ENOX1: variants seen among roughly 807,000 people sequenced by gnomAD.
The protein encoded by ENOX1 is candidate growth-related and time keeping constitutive hydroquinone (NADH) oxidase.
ENOX1 carries 42 observed loss-of-function variants against 82.5 expected under a neutral mutation model. The observed-to-expected ratio is 0.51, with a 90% CI of 0.40 to 0.66. The LOEUF (loss-of-function observed/expected upper bound fraction) is 0.66. ENOX1 is among the 30% of genes least tolerant of loss of function. ENOX1 has a pLI of 0.00. For missense variants in ENOX1, 608 were observed against 811.6 expected (o/e 0.75, Z 3.05); for synonymous variants, 271 against 282.2 (o/e 0.96, Z 0.40).
At chr13:43,281,233 CT>C (rs373930500) in intron 12 of ENOX1, among the ~76,000 whole-genome samples, 284 of 151,726 alleles carry the variant, frequency 1.9e-3, no homozygotes, top group African/African-American at 6.6e-3. Context: ...AGCAGAAAAC[CT>C]CAACAAATAC....
chr13:43,442,208 A>T (rs563793028), intron 3 of ENOX1, among the ~76,000 whole-genome samples: 90 of 152,224 alleles, frequency 5.9e-4, no homozygotes, highest in Non-Finnish European at 8.1e-4. Context: ...AAATGAGAAC[A>T]CATTTTAAAA....
intron 12 of ENOX1, among the ~76,000 whole-genome samples, chr13:43,279,645 A>G (rs931116507): frequency 6.6e-6 from 1 of 152,240 alleles, no homozygotes; most frequent in African/African-American, 2.4e-5. Context: ...TTGTATGACT[A>G]AAGAACATGT....
chr13:43,616,117 GATCTATAGATATCTATCTATCTAGATATC>G (rs2082416026), intron 2 of ENOX1, among the ~76,000 whole-genome samples: 1 of 14,974 alleles, frequency 6.7e-5, no homozygotes, highest in Non-Finnish European at 1.5e-4. Context: ...GATATCTATA[GATCTATAGATATCTATCTATCTAGATATC>G]TATATAGATA....
intron 2 of ENOX1, among the ~76,000 whole-genome samples, chr13:43,659,456 C>CTCCA (rs1161166433): frequency 1.3e-5 from 2 of 151,878 alleles, no homozygotes; most frequent in Non-Finnish European, 2.9e-5. Context: ...CGCCACTGTA[C>CTCCA]TCCAGCCTGG....
intron 2 of ENOX1, among the ~76,000 whole-genome samples, chr13:43,614,461 C>T (rs1181295345): frequency 1.3e-5 from 2 of 151,996 alleles, no homozygotes; most frequent in African/African-American, 2.4e-5. Context: ...ACACTTACCT[C>T]CTCACCTGGC....
chr13:43,527,712 T>C (rs1392725046), intron 2 of ENOX1, among the ~76,000 whole-genome samples: 1 of 152,140 alleles, frequency 6.6e-6, no homozygotes, highest in Non-Finnish European at 1.5e-5. Flanking sequence ...GAAAAGAATT[T>C]GACTGATGGA....
chr13:43,664,125 A>T (rs143219048), intron 2 of ENOX1, among the ~76,000 whole-genome samples: 1 of 152,184 alleles, frequency 6.6e-6, no homozygotes, highest in Non-Finnish European at 1.5e-5. Context: ...TTACATTCTA[A>T]TGTCAGAGAT....
intron 3 of ENOX1, among the ~76,000 whole-genome samples, chr13:43,483,038 T>A (rs2058566825): frequency 2.0e-5 from 3 of 152,166 alleles, no homozygotes; most frequent in African/African-American, 4.8e-5. Context: ...TGATTCTTAG[T>A]AGAAATAAAA....
At chr13:43,345,701 C>T (rs1240213406) in intron 8 of ENOX1, among the ~76,000 whole-genome samples, 1 of 152,144 alleles carries the variant, frequency 6.6e-6, no homozygotes, top group East Asian at 1.9e-4. Flanking sequence ...AGGCTCATTG[C>T]CTACTTTCCA....
Position 43,763,185 on chromosome 13 carries a change from A to G in ENOX1, c.-285+23467T>C, listed in dbSNP as rs151259877. 2.0e-3 allele frequency among the ~76,000 whole-genome samples: 306 copies of G among 152,318 alleles called. 1 individual carries two copies. Among genetic ancestry groups the G allele is most frequent in the East Asian group, 0.014 (73 of 5,188 alleles). On this transcript the variant is annotated intron_variant, in intron 1 of 16. Transcript: ENST00000690772. ...CCTTGTCTATGTCTGGGCTGCAATA[A>G]CAGGATATCATAGATTAGGTGGCTT...
At chr13:43,385,560 ATAG>A (rs1026064959) in intron 5 of ENOX1, among the ~76,000 whole-genome samples, 2 of 152,226 alleles carry the variant, frequency 1.3e-5, no homozygotes, top group African/African-American at 4.8e-5. Context: ...AGAAACAATA[ATAG>A]TAGTTTTGGT....
At chr13:43,567,915 G>C (rs2079989906) in intron 2 of ENOX1, among the ~76,000 whole-genome samples, 1 of 152,178 alleles carries the variant, frequency 6.6e-6, no homozygotes, top group African/African-American at 2.4e-5. Flanking sequence ...AGGATATTTA[G>C]ATTTGTGAAT....
At chr13:43,500,374 A>C (rs1401680345) in intron 2 of ENOX1, among the ~76,000 whole-genome samples, 1 of 152,132 alleles carries the variant, frequency 6.6e-6, no homozygotes, top group Admixed American at 6.6e-5. Context: ...CCATACAACT[A>C]TTAGCAGATT....
chr13:43,670,797 C>T (rs1163919622), intron 1 of ENOX1, among the ~76,000 whole-genome samples: 1 of 152,024 alleles, frequency 6.6e-6, no homozygotes, highest in Admixed American at 6.6e-5. Context: ...GAGCCAAGAT[C>T]GCGACACTGC....
chr13:43,513,982 G>A (rs866535245), intron 2 of ENOX1, among the ~76,000 whole-genome samples: 1 of 152,056 alleles, frequency 6.6e-6, no homozygotes, highest in African/African-American at 2.4e-5. Flanking sequence ...GTTTGTTTAT[G>A]TTCAGGTACA....
In ENOX1 at chr13:43,272,871, T is replaced by C. The variant is rs571714469; in HGVS notation, c.1447-3294A>G. The stretch of plus-strand genomic sequence containing the variant: ...TTAATCTTGCTTATTTAATCTTCAG[T>C]CTACTATAATGTGACTTTAATCCCT... On this transcript the variant is annotated intron_variant, in intron 12 of 16. Coordinates refer to ENST00000690772, the MANE Select transcript of ENOX1 (RefSeq NM_001347969.2). 8.5e-5 allele frequency among the ~76,000 whole-genome samples: 13 copies of C among 152,276 alleles called. No homozygotes were observed. The East Asian group carries it at 2.3e-3, about 27-fold the overall frequency.
At chr13:43,590,303 A>G (rs2081186673) in intron 2 of ENOX1, among the ~76,000 whole-genome samples, 1 of 142,746 alleles carries the variant, frequency 7.0e-6, no homozygotes, top group Admixed American at 6.8e-5. Flanking sequence ...AGATTGCAGC[A>G]TAGAGTGACA....
chr13:43,375,843 G>T (rs1421441288), intron 5 of ENOX1, among the ~76,000 whole-genome samples: 1 of 152,194 alleles, frequency 6.6e-6, no homozygotes, highest in Non-Finnish European at 1.5e-5. Context: ...ATTGTTTGGT[G>T]TTGTATTATT....
Position 43,411,953 on chromosome 13 carries a change from C to T in ENOX1, c.171G>A (p.Met57Ile), listed in dbSNP as rs779376142. 4 of 1,614,228 alleles carry T rather than the reference C, an allele frequency of 2.5e-6. No individual in the cohort carries two copies. In the South Asian group the frequency reaches 3.3e-5, roughly 13 times the overall value. ...GCTGTCCAGGCAACCCTACGGGAAC[C>T]ATGCCCAGGTTATTCATGGCTGTAG... ...AWATAMNNLG[M>I]VPVGLPGQQL... Residue 57 changes from methionine (M) to isoleucine (I), a missense_variant, in exon 5 of 17, where the codon ATG (methionine) becomes ATA (isoleucine). By Grantham distance (10) the Met-to-Ile change is conservative (BLOSUM62 1). Coordinates refer to ENST00000690772, the MANE Select transcript of ENOX1 (RefSeq NM_001347969.2).
Sources: gnomAD v4.1 joint callset for allele counts (sites outside exome capture counted in the v4.1 genomes callset) on GRCh38, gnomAD v4.1.1 for gene constraint, MANE v1.5 for transcripts, NCBI Gene and HGNC (gene_info 2026-07-23, HGNC 2026-07-21) for gene names.